Variants in BTNL8 observed in about 807,000 individuals in gnomAD.
The protein encoded by BTNL8 is butyrophilin-like protein 8.
BTNL8 carries 22 observed loss-of-function variants against 36.1 expected under a neutral mutation model. The observed-to-expected ratio is 0.61, with a 90% confidence interval of 0.44 to 0.87. The LOEUF is 0.87. BTNL8 is among the 40% of genes least tolerant of loss of function. BTNL8 has a pLI of 0.00. For missense variants in BTNL8, 526 were observed against 616.9 expected (o/e 0.85, Z 1.56); for synonymous variants, 203 against 235.6 (o/e 0.86, Z 1.27).
At chr5:180,914,309 C>T (rs1757529166) in intron 3 of BTNL8, among the ~76,000 whole-genome samples, 1 of 152,132 alleles carries the variant, frequency 6.6e-6, no homozygotes, top group South Asian at 2.1e-4. Context: ...AACAAGGTGC[C>T]ATCTTGAAAC....
intron 3 of BTNL8, among the ~76,000 whole-genome samples, chr5:180,940,666 GA>G (rs1199163965): frequency 2.0e-5 from 3 of 151,952 alleles, no homozygotes; most frequent in East Asian, 3.9e-4. Flanking sequence ...GAATAACTAT[GA>G]AAAAAAGAGA....
At chr5:180,916,017 C>T (rs1757612262) in intron 3 of BTNL8, among the ~76,000 whole-genome samples, 1 of 152,168 alleles carries the variant, frequency 6.6e-6, no homozygotes, top group Admixed American at 6.5e-5. Context: ...GTTTATTTGG[C>T]TCATGGTCGT....
chr5:180,938,488 A>G (rs138058573), intron 3 of BTNL8, among the ~76,000 whole-genome samples: 9,109 of 152,104 alleles, frequency 0.06, 340 homozygotes, highest in South Asian at 0.11. Flanking sequence ...GAGAATTCCC[A>G]TCAGACTAAC....
intron 2 of BTNL8, among the ~76,000 whole-genome samples, chr5:180,909,365 CT>C (rs984411700): frequency 2.6e-4 from 39 of 152,160 alleles, no homozygotes; most frequent in East Asian, 5.8e-4. Flanking sequence ...TACTTTATTT[CT>C]TTTTTTTCCC....
At chr5:180,917,897 C>T (rs947033528) in intron 3 of BTNL8, among the ~76,000 whole-genome samples, 10 of 151,756 alleles carry the variant, frequency 6.6e-5, no homozygotes, top group South Asian at 4.2e-4. Flanking sequence ...GGCATGGTGG[C>T]GGGTGTGTGT....
At chr5:180,930,345 C>G (rs901551995) in intron 3 of BTNL8, among the ~76,000 whole-genome samples, 1 of 152,128 alleles carries the variant, frequency 6.6e-6, no homozygotes, top group African/African-American at 2.4e-5. Context: ...AAACCCACAG[C>G]CAATATAATA....
At chr5:180,936,408 C>T (rs1758656061) in intron 3 of BTNL8, among the ~76,000 whole-genome samples, 1 of 151,856 alleles carries the variant, frequency 6.6e-6, no homozygotes, top group Non-Finnish European at 1.5e-5. Context: ...AAAGATACAA[C>T]ATCAACATAC....
At chr5:180,946,738 A>T (rs1014209598) in intron 3 of BTNL8, among the ~76,000 whole-genome samples, 2 of 152,234 alleles carry the variant, frequency 1.3e-5, no homozygotes, top group Non-Finnish European at 1.5e-5. Flanking sequence ...TATATTTCAG[A>T]ATAACAGAAA....
At chr5:180,921,685 A>G (rs962759369) in intron 3 of BTNL8, among the ~76,000 whole-genome samples, 1 of 151,754 alleles carries the variant, frequency 6.6e-6, no homozygotes, top group Non-Finnish European at 1.5e-5. Context: ...ACACACACAC[A>G]CACACACACA....
rs1759460818 is a variant in BTNL8, at chr5:180,949,814, C to T, written c.863-90C>T. ...GGGGCCTCACCTATGCCACCCAGAG[C>T]CAGTCTGCAGTGGGAGGGTCGACCT... On this transcript the variant is annotated intron_variant, in intron 7 of 7. Transcript: ENST00000340184. The T allele has an allele frequency of 2.9e-6, 4 of 1,388,290 alleles. No individual in the cohort carries two copies. The Admixed American group carries it at 8.2e-5, about 28-fold the overall frequency. 86.0% of individuals were successfully genotyped at this position (1,388,290 alleles called of 1,614,324 possible).
At chr5:180,905,165 T>C (rs1757022040) in intron 1 of BTNL8, among the ~76,000 whole-genome samples, 1 of 150,920 alleles carries the variant, frequency 6.6e-6, no homozygotes, top group African/African-American at 2.4e-5. Context: ...CTGGACTCTT[T>C]TTGGTTGGTA....
rs754124128 is a variant in BTNL8 at position 180,908,611 on chromosome 5, C to T, written c.75C>T (p.Asp25=). The change falls in exon 2 of 8, where the codon GAC becomes GAT. Residue 25 remains aspartate (D), a synonymous_variant. Coordinates refer to ENST00000340184, the MANE Select transcript of BTNL8 (RefSeq NM_001040462.3). ...GSGQWQVFGP[D]KPVQALVGED... ...GGCAGTGGCAGGTGTTTGGGCCAGACAAGCCTGTCCAGGCCTTGGTGGGGG... is the reference window on the plus strand; with the variant it reads ...GGCAGTGGCAGGTGTTTGGGCCAGATAAGCCTGTCCAGGCCTTGGTGGGGG... 2 of 1,614,054 alleles carry T rather than the reference C, an allele frequency of 1.2e-6. No homozygotes were observed. The highest frequency in any genetic ancestry group is 1.3e-5 in the African/African-American group (1 of 75,050).
intron 3 of BTNL8, among the ~76,000 whole-genome samples, chr5:180,921,341 T>TA (rs1271901473): frequency 2.6e-5 from 4 of 151,816 alleles, no homozygotes; most frequent in Admixed American, 2.6e-4. Context: ...TACTCAACAA[T>TA]AAAAAAGAGG....
At chr5:180,911,799 T>C (rs561907957) in intron 3 of BTNL8, among the ~76,000 whole-genome samples, 185 bp downstream of exon 3, 1 of 152,334 alleles carries the variant, frequency 6.6e-6, no homozygotes, top group South Asian at 2.1e-4. Flanking sequence ...GGAAATAGAA[T>C]TGTTTACAAT....
At chr5:180,949,569 A>G (rs1219663836) in intron 7 of BTNL8, 2 of 530,790 alleles carry the variant, frequency 3.8e-6, no homozygotes, top group Non-Finnish European at 6.6e-6. Flanking sequence ...GAAGGAAGTA[A>G]AGTCAGGCAG....
intron 3 of BTNL8, among the ~76,000 whole-genome samples, chr5:180,945,428 A>G (rs1759186812): frequency 6.6e-6 from 1 of 151,386 alleles, no homozygotes; most frequent in Non-Finnish European, 1.5e-5. Context: ...TATGACATAA[A>G]AAGCACAGAC....
At position 180,935,359 on chromosome 5, in the gene BTNL8, C is replaced by T. The variant is rs368332852; in HGVS notation, c.674-12153C>T. ...GTTCATGCTGAGTTGGACCTGCAGACCTGTGCAGAGCTGCCCTCAGCCATC... is the reference window on the plus strand; with the variant it reads ...GTTCATGCTGAGTTGGACCTGCAGATCTGTGCAGAGCTGCCCTCAGCCATC... On this transcript the variant is annotated intron_variant, in intron 3 of 7. Transcript: ENST00000340184. The surrounding 1 kb of genome is among the most constrained non-coding windows in gnomAD (Gnocchi z 4.8). 2.0e-5 allele frequency among the ~76,000 whole-genome samples: 3 copies of T among 152,314 alleles called. No homozygotes were observed. Among genetic ancestry groups the T allele is most frequent in the African/African-American group, 7.2e-5 (3 of 41,572 alleles).
Position 180,935,136 on chromosome 5 carries a change from G to C in BTNL8, c.674-12376G>C, listed in dbSNP as rs2113839794. Among the ~76,000 whole-genome samples, 1 of 152,264 alleles carries C rather than the reference G, an allele frequency of 6.6e-6. No individual in the cohort carries two copies. Among genetic ancestry groups the C allele is most frequent in the African/African-American group, 2.4e-5 (1 of 41,546 alleles). ...AGAAGGAAGGGAGTGCATGCTGATT[G>C]GTTCATGGATGGCCATGGGTGGCTG... On this transcript the variant is annotated intron_variant, in intron 3 of 7. Coordinates refer to ENST00000340184, the MANE Select transcript of BTNL8 (RefSeq NM_001040462.3). The surrounding 1 kb of genome is among the most constrained non-coding windows in gnomAD (Gnocchi z 4.8).
chr5:180,912,830 G>A (rs6861321), intron 3 of BTNL8, among the ~76,000 whole-genome samples: 68,309 of 152,038 alleles, frequency 0.45, 16,437 homozygotes, highest in African/African-American at 0.63. Context: ...CATGTGTGTC[G>A]ACCTAGTGAA....
Sources: gnomAD v4.1 joint callset for allele counts (sites outside exome capture counted in the v4.1 genomes callset) on GRCh38, gnomAD v4.1.1 for gene constraint, Gnocchi (gnomAD v3.1) non-coding constraint, MANE v1.5 for transcripts, NCBI Gene and HGNC (gene_info 2026-07-23, HGNC 2026-07-21) for gene names.